The following RBFOX1 variants were observed in gnomAD, a reference collection of about 807,000 sequenced individuals.
RBFOX1 encodes RNA binding fox-1 homolog 1.
Under a neutral mutation model 57.7 loss-of-function variants are expected in RBFOX1, and 8 were observed. The ratio of observed to expected loss-of-function variants is 0.14; its 90% confidence interval spans 0.08 to 0.25. The LOEUF (loss-of-function observed/expected upper bound fraction) is 0.25. Among genes scored for constraint, RBFOX1 ranks in the 10% least tolerant of loss-of-function variants. The pLI, the probability that RBFOX1 is intolerant of heterozygous loss-of-function variation, is 1.00. For synonymous variants in RBFOX1, 326 were observed against 222.4 expected (o/e 1.47, Z -4.15); for missense variants, 611 against 548.5 (o/e 1.11, Z -1.14).
chr16:7,412,244 A>G (rs946937890), intron 4 of RBFOX1, among the ~76,000 whole-genome samples: 4 of 151,228 alleles, frequency 2.6e-5, no homozygotes, highest in Admixed American at 6.6e-5. Flanking sequence ...GTGAAACCCC[A>G]TCTCTACTAA....
At chr16:6,637,199 ATATAT>A (rs1311807623) in intron 2 of RBFOX1, among the ~76,000 whole-genome samples, 2 of 61,882 alleles carry the variant, frequency 3.2e-5, no homozygotes, top group African/African-American at 2.1e-4. Context: ...AATATATATT[ATATAT>A]TATATATATT....
At chr16:6,030,730 G>A (rs149680463) in intron 1 of RBFOX1, among the ~76,000 whole-genome samples, 14 of 152,274 alleles carry the variant, frequency 9.2e-5, no homozygotes, top group African/African-American at 3.4e-4. Flanking sequence ...TTAGAGAAAT[G>A]CAATTTTGAG....
chr16:7,474,904 A>G (rs1196333063), intron 4 of RBFOX1, among the ~76,000 whole-genome samples: 3 of 152,154 alleles, frequency 2.0e-5, no homozygotes, highest in Non-Finnish European at 1.5e-5. Context: ...TTCGTCTCAT[A>G]TATTTTCCAA....
chr16:7,503,687 C>T (rs1400051815), intron 4 of RBFOX1, among the ~76,000 whole-genome samples: 2 of 152,144 alleles, frequency 1.3e-5, no homozygotes, highest in African/African-American at 2.4e-5. Context: ...TGAGGCTTCC[C>T]GCATACCCAG....
intron 4 of RBFOX1, among the ~76,000 whole-genome samples, chr16:7,507,903 C>A (rs979869717): frequency 9.3e-5 from 14 of 151,166 alleles, no homozygotes; most frequent in Non-Finnish European, 1.9e-4. Flanking sequence ...GGAGCTCATG[C>A]TCCACTGACT....
chr16:5,611,617 C>G lies in RBFOX1; in HGVS notation c.318+12656C>G, dbSNP rs188102636. On this transcript the variant is annotated intron_variant, in intron 3 of 19. Coordinates refer to the RBFOX1 transcript ENST00000641259. ...AGTATCAACAAAAACTAGTGATTCA[C>G]CTATCCATCTGTTCATCCAGCCACT... Among the ~76,000 whole-genome samples, 249 of 152,162 alleles carry G rather than the reference C, an allele frequency of 1.6e-3. 1 individual carries two copies. Among genetic ancestry groups the G allele is most frequent in the Middle Eastern group, 3.4e-3 (1 of 294 alleles).
chr16:7,271,778 G>A (rs9924851), intron 4 of RBFOX1, among the ~76,000 whole-genome samples: 4 of 151,690 alleles, frequency 2.6e-5, no homozygotes, highest in African/African-American at 9.7e-5. Context: ...CCATAGCTAA[G>A]GGTCTCTTAG....
intron 2 of RBFOX1, among the ~76,000 whole-genome samples, chr16:6,532,604 C>T (rs1240929091): frequency 6.6e-6 from 1 of 152,142 alleles, no homozygotes; most frequent in Non-Finnish European, 1.5e-5. Context: ...AGCGGTAGTC[C>T]AGTTTGCTCT....
rs144937734 is a variant in RBFOX1 at position 7,163,950 on chromosome 16, G to A, written c.27+111852G>A. Among the ~76,000 whole-genome samples, 229 of 152,194 alleles carry A rather than the reference G, an allele frequency of 1.5e-3. 1 individual carries two copies. Among genetic ancestry groups the A allele is most frequent in the African/African-American group, 5.1e-3 (213 of 41,512 alleles). ...ACTGGGATTACAGGTGTGAGCCACC[G>A]CACACAGCCTGTTTTTTCTAATTTT... is the stretch of plus-strand genomic sequence containing the variant. On this transcript the variant is annotated intron_variant, in intron 4 of 15. Transcript: ENST00000550418.
At chr16:6,992,046 C>T (rs1177276568) in intron 3 of RBFOX1, among the ~76,000 whole-genome samples, 2 of 152,174 alleles carry the variant, frequency 1.3e-5, no homozygotes, top group East Asian at 3.9e-4. Flanking sequence ...GTGTGGTCCA[C>T]CTCTAGAAAA....
At chr16:7,015,759 C>CT (rs902810057) in intron 3 of RBFOX1, among the ~76,000 whole-genome samples, 16 of 150,196 alleles carry the variant, frequency 1.1e-4, no homozygotes, top group East Asian at 2.0e-4. Context: ...ATAACATTTT[C>CT]TTTTTTTTTC....
chr16:6,659,678 A>G (rs915179992), intron 3 of RBFOX1, among the ~76,000 whole-genome samples: 2 of 152,068 alleles, frequency 1.3e-5, no homozygotes, highest in Non-Finnish European at 2.9e-5. Context: ...GCGGTTTTCA[A>G]TATGGGGCAG....
At chr16:6,002,113 A>T (rs1046851922) in intron 4 of RBFOX1, among the ~76,000 whole-genome samples, 1 of 151,970 alleles carries the variant, frequency 6.6e-6, no homozygotes, top group Non-Finnish European at 1.5e-5. Context: ...CTGGGACTAC[A>T]AGCATGCACC....
chr16:6,332,280 A>G (rs1023276034), intron 2 of RBFOX1, among the ~76,000 whole-genome samples: 4 of 152,226 alleles, frequency 2.6e-5, no homozygotes, highest in Non-Finnish European at 5.9e-5. Flanking sequence ...ACCAGCATTT[A>G]CTGAGTGTTT....
At chr16:7,142,326 G>T (rs1314684587) in intron 4 of RBFOX1, among the ~76,000 whole-genome samples, 1 of 152,026 alleles carries the variant, frequency 6.6e-6, no homozygotes, top group Non-Finnish European at 1.5e-5. Flanking sequence ...ACCTAGCCAA[G>T]TCCCATTTCA....
intron 1 of RBFOX1, among the ~76,000 whole-genome samples, chr16:6,124,622 C>G (rs2096575680): frequency 6.6e-6 from 1 of 152,120 alleles, no homozygotes; most frequent in Admixed American, 6.5e-5. Context: ...CCCACTTCAG[C>G]CTTCCGAGTA....
intron 4 of RBFOX1, among the ~76,000 whole-genome samples, chr16:5,893,894 G>C (rs765058012): frequency 1.3e-5 from 2 of 152,052 alleles, no homozygotes; most frequent in Non-Finnish European, 2.9e-5. Flanking sequence ...CAAGTAAAGT[G>C]TGCTTAGAAC....
At chr16:6,215,506 A>AT (rs1231575834) in intron 1 of RBFOX1, among the ~76,000 whole-genome samples, 2 of 151,776 alleles carry the variant, frequency 1.3e-5, no homozygotes, top group African/African-American at 2.4e-5. Context: ...GCATGCCCAT[A>AT]TTTTTTTCTG....
At chr16:7,384,041 G>A (rs1273935380) in intron 4 of RBFOX1, among the ~76,000 whole-genome samples, 2 of 145,598 alleles carry the variant, frequency 1.4e-5, no homozygotes, top group East Asian at 4.0e-4. Flanking sequence ...GCAACAGAGT[G>A]AGACTCCATC....
Sources: gnomAD v4.1 joint callset for allele counts (sites outside exome capture counted in the v4.1 genomes callset) on GRCh38, gnomAD v4.1.1 for gene constraint, MANE v1.5 for transcripts, NCBI Gene and HGNC (gene_info 2026-07-23, HGNC 2026-07-21) for gene names.